Variants in GRID1 observed in about 807,000 individuals in gnomAD.
GRID1 encodes the protein glutamate ionotropic receptor delta type subunit 1.
GRID1 carries 28 observed loss-of-function variants against 98.0 expected under a neutral mutation model. The ratio of observed to expected loss-of-function variants is 0.29; its 90% confidence interval spans 0.21 to 0.39. The LOEUF is 0.39. GRID1 is among the 10% of genes least tolerant of loss of function. The probability of loss-of-function intolerance (pLI) is 1.00; values close to 1 mark genes in which losing one functional copy is unlikely to be tolerated. For synonymous variants in GRID1, 553 were observed against 538.5 expected (o/e 1.03, Z -0.37); for missense variants, 1,111 against 1,340.5 (o/e 0.83, Z 2.67).
chr10:85,616,346 G>A (rs1197237703), intron 14 of GRID1, among the ~76,000 whole-genome samples: 1 of 152,206 alleles, frequency 6.6e-6, no homozygotes, highest in Non-Finnish European at 1.5e-5. Context: ...GCTCATCAGA[G>A]CTGGGTCATT....
chr10:85,635,192 G>T (rs1383874254), intron 13 of GRID1, among the ~76,000 whole-genome samples: 1 of 152,112 alleles, frequency 6.6e-6, no homozygotes, highest in Non-Finnish European at 1.5e-5. Flanking sequence ...AATTCATAAT[G>T]AGATTTGCTT....
At chr10:85,655,843 T>TACACA (rs1840889462) in intron 12 of GRID1, among the ~76,000 whole-genome samples, 1 of 152,208 alleles carries the variant, frequency 6.6e-6, no homozygotes, top group African/African-American at 2.4e-5. Flanking sequence ...TAACTCTGTT[T>TACACA]GTCTCCTAGA....
chr10:85,712,578 C>G (rs539238970), intron 12 of GRID1, among the ~76,000 whole-genome samples: 3 of 151,774 alleles, frequency 2.0e-5, no homozygotes, highest in Non-Finnish European at 3.0e-5. Context: ...ATGGACCTAA[C>G]AAACATATAC....
intron 4 of GRID1, among the ~76,000 whole-genome samples, chr10:86,030,534 G>A (rs1843172208): frequency 1.3e-5 from 2 of 152,200 alleles, no homozygotes; most frequent in South Asian, 4.1e-4. Flanking sequence ...AACCATGCAT[G>A]GGCATGCCTT....
intron 4 of GRID1, among the ~76,000 whole-genome samples, chr10:85,984,694 CAG>C (rs1253677226): frequency 6.6e-6 from 1 of 152,150 alleles, no homozygotes; most frequent in Non-Finnish European, 1.5e-5. Context: ...AGGATGCAGG[CAG>C]AGAGGCTCAG....
intron 4 of GRID1, among the ~76,000 whole-genome samples, chr10:86,125,555 T>C (rs1844740208): frequency 6.6e-6 from 1 of 152,182 alleles, no homozygotes; most frequent in South Asian, 2.1e-4. Context: ...AAAAAGAACA[T>C]GAGCTTCTGG....
At chr10:85,989,501 G>T (rs1376536918) in intron 4 of GRID1, among the ~76,000 whole-genome samples, 1 of 152,216 alleles carries the variant, frequency 6.6e-6, no homozygotes, top group Non-Finnish European at 1.5e-5. Flanking sequence ...AGGCCAGTGA[G>T]CAGGACCACC....
At chr10:86,253,624 C>T (rs1902665) in intron 2 of GRID1, among the ~76,000 whole-genome samples, 123,506 of 152,094 alleles carry the variant, frequency 0.81, 51,130 homozygotes, top group Non-Finnish European at 0.87. Context: ...TCTTGGACTA[C>T]ACTGCAGCAT....
chr10:85,892,289 A>T (rs561646640), intron 5 of GRID1, among the ~76,000 whole-genome samples: 30 of 151,786 alleles, frequency 2.0e-4, no homozygotes, highest in Non-Finnish European at 3.8e-4. Context: ...CTAATATACA[A>T]GTCATTCAAG....
intron 5 of GRID1, among the ~76,000 whole-genome samples, chr10:85,877,348 C>A (rs1483983570): frequency 3.3e-5 from 5 of 152,206 alleles, no homozygotes; most frequent in African/African-American, 9.6e-5. Context: ...CTGGGAGGCA[C>A]CCCCCAGTAG....
chr10:85,681,056 C>G (rs184822013), intron 12 of GRID1, among the ~76,000 whole-genome samples: 1 of 152,184 alleles, frequency 6.6e-6, no homozygotes, highest in East Asian at 1.9e-4. Flanking sequence ...GATGACTACA[C>G]TAAAAACCCA....
At chr10:86,344,685 A>G (rs1451131697) in intron 2 of GRID1, among the ~76,000 whole-genome samples, 2 of 152,174 alleles carry the variant, frequency 1.3e-5, no homozygotes, top group East Asian at 3.8e-4. Context: ...GAATTTTACC[A>G]TTAGGTCATT....
intron 4 of GRID1, among the ~76,000 whole-genome samples, chr10:85,987,238 T>G (rs933343424): frequency 1.3e-5 from 2 of 151,984 alleles, no homozygotes; most frequent in Non-Finnish European, 2.9e-5. Flanking sequence ...ACTGCCAGGA[T>G]CGACCGGCTG....
chr10:85,603,196 G>A (rs1842607163), intron 15 of GRID1, among the ~76,000 whole-genome samples: 1 of 152,246 alleles, frequency 6.6e-6, no homozygotes, highest in Non-Finnish European at 1.5e-5. Context: ...TGATTCATCA[G>A]AGTCACAGGA....
chr10:85,698,976 T>A (rs2132619924), intron 12 of GRID1, among the ~76,000 whole-genome samples: 1 of 152,324 alleles, frequency 6.6e-6, no homozygotes, highest in Admixed American at 6.5e-5. Context: ...TTTGCCCAAT[T>A]TTTAAACAGG....
At chr10:86,336,846 C>A (rs1848228456) in intron 2 of GRID1, among the ~76,000 whole-genome samples, 1 of 32,424 alleles carries the variant, frequency 3.1e-5, no homozygotes, top group Admixed American at 2.5e-4. Context: ...GCCTGGCCCA[C>A]TATTTTTTTT....
At chr10:85,930,904 C>T (rs537490785) in intron 4 of GRID1, among the ~76,000 whole-genome samples, 4 of 152,044 alleles carry the variant, frequency 2.6e-5, no homozygotes, top group Non-Finnish European at 5.9e-5. Context: ...TGCAGTGGTG[C>T]GATCATGACT....
intron 4 of GRID1, among the ~76,000 whole-genome samples, chr10:86,125,521 A>G (rs78415245): frequency 0.047 from 7,110 of 152,288 alleles, 552 homozygotes; most frequent in African/African-American, 0.16. Context: ...TCACATTTAG[A>G]GTAGAATTTG....
At chr10:85,820,069 G>A (rs1170064531) in intron 8 of GRID1, among the ~76,000 whole-genome samples, 3 of 105,138 alleles carry the variant, frequency 2.9e-5, no homozygotes, top group African/African-American at 1.4e-4. Context: ...CAGGCAGGCA[G>A]GAAGGCAGGT....
Sources: allele counts gnomAD v4.1 joint callset (sites outside exome capture counted in the v4.1 genomes callset), GRCh38; gene constraint gnomAD v4.1.1; transcripts MANE v1.5; gene names NCBI Gene and HGNC (gene_info 2026-07-23, HGNC 2026-07-21).